Variants in MMACHC observed in about 807,000 individuals in gnomAD.
The protein encoded by MMACHC is metabolism of cobalamin associated C.
In MMACHC, 14 loss-of-function variants were observed where a neutral mutation model predicts 17.6. The ratio of observed to expected loss-of-function variants is 0.80; its 90% CI spans 0.53 to 1.25. The LOEUF (loss-of-function observed/expected upper bound fraction) is 1.25, where lower values mean the gene tolerates loss of function less well. MMACHC is among the 50% of genes most tolerant of loss of function. The pLI is 0.00. For synonymous variants in MMACHC, 151 were observed against 142.1 expected (o/e 1.06, Z -0.45); for missense variants, 392 against 364.5 (o/e 1.08, Z -0.62).
intron 1 of MMACHC, among the ~76,000 whole-genome samples, chr1:45,505,914 A>C (rs1643613657): frequency 6.6e-6 from 1 of 152,106 alleles, no homozygotes; most frequent in Non-Finnish European, 1.5e-5. Flanking sequence ...AAAAAAAAAA[A>C]AACAAAACTG....
chr1:45,503,122 A>G (rs1643570323), intron 1 of MMACHC, among the ~76,000 whole-genome samples: 1 of 151,810 alleles, frequency 6.6e-6, no homozygotes, highest in Non-Finnish European at 1.5e-5. Context: ...TTCTGCAGCC[A>G]GGCGTGGTGG....
chr1:45,509,184 G>A lies in MMACHC; in HGVS notation c.818G>A (p.Arg273Lys), dbSNP rs1460672740. Reference protein sequence around the residue: ...PSRARSWLSPRVSPPASPGP With the variant: ...PSRARSWLSPKVSPPASPGP ...AGAGCCCGGAGCTGGCTCAGCCCCA[G>A]GGTCTCACCACCTGCATCCCCTGGC... is the stretch of plus-strand genomic sequence containing the variant. The change falls in exon 4 of 4, where the codon AGG (arginine) becomes AAG (lysine). Residue 273 changes from arginine (R) to lysine (K), a missense_variant. Arg to Lys is a conservative substitution (Grantham distance 26). Coordinates refer to ENST00000401061, the MANE Select transcript of MMACHC (RefSeq NM_015506.3). 6.2e-7 allele frequency: 1 copy of A among 1,613,916 alleles called. No homozygotes were observed. Among genetic ancestry groups the A allele is most frequent in the East Asian group, 2.2e-5 (1 of 44,884 alleles).
chr1:45,511,486 C>A lies in MMACHC; in HGVS notation c.*2271C>A. 1 of 1,283,016 alleles carries A rather than the reference C, an allele frequency of 7.8e-7. No individual in the cohort carries two copies. The highest frequency in any genetic ancestry group is 1.3e-5 in the South Asian group (1 of 76,820). The allele number at this position is 1,283,016 out of a possible 1,614,324, so 79.5% of individuals were successfully genotyped here. ...CACCACCATTCTCCTATGGACAAAACCAGTTCTGCACCTGAACACTCAGAT... is the reference window on the plus strand; with the variant it reads ...CACCACCATTCTCCTATGGACAAAAACAGTTCTGCACCTGAACACTCAGAT... On this transcript the variant is annotated 3_prime_UTR_variant, in exon 4 of 4. Coordinates refer to ENST00000401061, the MANE Select transcript of MMACHC (RefSeq NM_015506.3).
Position 45,509,790 on chromosome 1 carries a change from A to C in MMACHC, c.*575A>C, listed in dbSNP as rs1643705115. The C allele has an allele frequency of 6.6e-6, 1 of 152,300 alleles. No individual in the cohort carries two copies. The highest frequency in any genetic ancestry group is 1.5e-5 in the Non-Finnish European group (1 of 68,424). 9.4% of individuals were successfully genotyped at this position (152,300 alleles called of 1,614,324 possible). A position where few individuals can be genotyped will look rare whatever the true frequency, so the allele number is the denominator to read the frequency against. ...CCTAAGGGGCAAATATCCTCTAAAGAGTACCTACCAGCAGGGTGTGGTGGC... is the reference window on the plus strand; with the variant it reads ...CCTAAGGGGCAAATATCCTCTAAAGCGTACCTACCAGCAGGGTGTGGTGGC... On this transcript the variant is annotated 3_prime_UTR_variant, in exon 4 of 4. Transcript: ENST00000401061.
rs1157926628 is a variant in MMACHC at position 45,509,888 on chromosome 1, G to C, written c.*673G>C. 6.6e-6 allele frequency: 1 copy of C among 151,302 alleles called. No homozygotes were observed. The highest frequency in any genetic ancestry group is 2.0e-4 in the East Asian group (1 of 4,956). The allele number at this position is 151,302 out of a possible 1,614,324, so 9.4% of individuals were successfully genotyped here. ...TGAGGTCGAGTTTGAGACCAGCCTG[G>C]CCAATACAGTGAAACCCCGTCTCTA... is the stretch of plus-strand genomic sequence containing the variant. On this transcript the variant is annotated 3_prime_UTR_variant, in exon 4 of 4. Coordinates refer to ENST00000401061, the MANE Select transcript of MMACHC (RefSeq NM_015506.3).
chr1:45,509,241 A>T lies in MMACHC; in HGVS notation c.*26A>T. 1.2e-6 allele frequency: 2 copies of T among 1,613,724 alleles called. No homozygotes were observed. The highest frequency in any genetic ancestry group is 1.1e-5 in the South Asian group (1 of 91,068). ...TTTTCTCCCATGTGGACCCTGATTT[A>T]TGGTGGTACTTGCTAGGACTTAATT... On this transcript the variant is annotated 3_prime_UTR_variant, in exon 4 of 4. Coordinates refer to ENST00000401061, the MANE Select transcript of MMACHC (RefSeq NM_015506.3).
chr1:45,504,822 T>C (rs538298673), intron 1 of MMACHC, among the ~76,000 whole-genome samples: 1 of 152,232 alleles, frequency 6.6e-6, no homozygotes, highest in East Asian at 1.9e-4. Context: ...CTGATAAAAA[T>C]GGTTTTTTTG....
intron 1 of MMACHC, 55 bp from the exon 2 acceptor site, chr1:45,507,301 C>A: frequency 6.4e-7 from 1 of 1,567,918 alleles, no homozygotes; most frequent in South Asian, 1.1e-5. Context: ...AAGGTGTGGG[C>A]CAGGCTGAGG....
In MMACHC at chr1:45,512,435, G is replaced by A. The variant is rs1643771602; in HGVS notation, c.*3220G>A. 1 of 150,862 alleles carries A rather than the reference G, an allele frequency of 6.6e-6. No individual in the cohort carries two copies. Among genetic ancestry groups the A allele is most frequent in the Non-Finnish European group, 1.5e-5 (1 of 67,892 alleles). 9.3% of individuals were successfully genotyped at this position (150,862 alleles called of 1,614,324 possible). A position where few individuals can be genotyped will look rare whatever the true frequency, so the allele number is the denominator to read the frequency against. ...TGTAGTCCTAGCTACTCAGGAGGCT[G>A]AGGCAAGAGAATCACTTGAACCCAG... On this transcript the variant is annotated 3_prime_UTR_variant, in exon 4 of 4. Transcript: ENST00000401061.
chr1:45,508,938 C>T lies in MMACHC; in HGVS notation c.572C>T (p.Ala191Val), dbSNP rs375442063. ...DCVPTRADRI[A>V]LLEGFNFHWR... Reference sequence around the variant, plus strand: ...GTACCTACAAGAGCTGACCGTATCGCCCTACTCGAAGGCTTCAATTTCCAC... The same window carrying T: ...GTACCTACAAGAGCTGACCGTATCGTCCTACTCGAAGGCTTCAATTTCCAC... The change falls in exon 4 of 4, where the codon GCC (alanine) becomes GTC (valine). Residue 191 changes from alanine (A) to valine (V), a missense_variant. Ala to Val is a moderately conservative substitution (Grantham distance 64). Transcript: ENST00000401061. 35 of 1,614,088 alleles carry T rather than the reference C, an allele frequency of 2.2e-5. No individual in the cohort carries two copies. The highest frequency in any genetic ancestry group is 2.7e-5 in the Non-Finnish European group (32 of 1,180,048).
At chr1:45,505,916 AC>A (rs1259264421) in intron 1 of MMACHC, among the ~76,000 whole-genome samples, 60 of 145,386 alleles carry the variant, frequency 4.1e-4, no homozygotes, top group African/African-American at 1.1e-3. Context: ...AAAAAAAAAA[AC>A]AAAACTGCCT....
intron 1 of MMACHC, among the ~76,000 whole-genome samples, chr1:45,500,780 C>T (rs1643529754): frequency 6.8e-6 from 1 of 147,390 alleles, no homozygotes; most frequent in Non-Finnish European, 1.5e-5. Context: ...AGGACAATTG[C>T]TTGAACCCAT....
chr1:45,507,588 A>G lies in MMACHC; in HGVS notation c.276+38A>G, dbSNP rs779264445. On this transcript the variant is annotated intron_variant, in intron 2 of 3. Transcript: ENST00000401061. Reference sequence around the variant, plus strand: ...CAGTTTTCCCCCAGCTCCCAAACCTACAGCTGCCTCCAGTTCCTCCACACT... The same window carrying G: ...CAGTTTTCCCCCAGCTCCCAAACCTGCAGCTGCCTCCAGTTCCTCCACACT... 3.7e-5 allele frequency: 60 copies of G among 1,608,426 alleles called. No individual in the cohort carries two copies. The Admixed American group carries it at 4.3e-4, about 12-fold the overall frequency.
At position 45,507,243 on chromosome 1, in the gene MMACHC, T is replaced by C. The variant is rs541922889; in HGVS notation, c.82-113T>C. On this transcript the variant is annotated intron_variant, in intron 1 of 3. Transcript: ENST00000401061. ...TCACATAGCGTCAGTGAAAATTCACTGAATGAGTGAGATGGAGGCTGGGGC... is the reference window on the plus strand; with the variant it reads ...TCACATAGCGTCAGTGAAAATTCACCGAATGAGTGAGATGGAGGCTGGGGC... 29 of 921,984 alleles carry C rather than the reference T, an allele frequency of 3.1e-5. No individual in the cohort carries two copies. In the South Asian group the frequency reaches 3.4e-4, roughly 11 times the overall value. 57.1% of individuals were successfully genotyped at this position (921,984 alleles called of 1,614,324 possible).
Position 45,509,028 on chromosome 1 carries a change from C to T in MMACHC, c.662C>T (p.Ala221Val). ...PQERYSEEQKAYFSTPPAQRL... is the reference protein window; with the variant it reads ...PQERYSEEQKVYFSTPPAQRL... Reference sequence around the variant, plus strand: ...GAGCGCTACTCAGAAGAGCAGAAGGCCTACTTCTCCACTCCACCTGCCCAA... The same window carrying T: ...GAGCGCTACTCAGAAGAGCAGAAGGTCTACTTCTCCACTCCACCTGCCCAA... Residue 221 changes from alanine (A) to valine (V), a missense_variant, in exon 4 of 4, where the codon GCC (alanine) becomes GTC (valine). By Grantham distance (64) the Ala-to-Val change is moderately conservative. Transcript: ENST00000401061. 1 of 1,614,148 alleles carries T rather than the reference C, an allele frequency of 6.2e-7. No homozygotes were observed. The highest frequency in any genetic ancestry group is 8.5e-7 in the Non-Finnish European group (1 of 1,180,008).
chr1:45,505,387 G>A (rs924471388), intron 1 of MMACHC, among the ~76,000 whole-genome samples: 2 of 152,044 alleles, frequency 1.3e-5, no homozygotes, highest in Non-Finnish European at 2.9e-5. Flanking sequence ...GGTGGAGATT[G>A]CAATAAGCCG....
Position 45,507,569 on chromosome 1 carries a change from T to C in MMACHC, c.276+19T>C, listed in dbSNP as rs1466390398. The C allele has an allele frequency of 6.2e-7, 1 of 1,613,572 alleles. No homozygotes were observed. The highest frequency in any genetic ancestry group is 8.5e-7 in the Non-Finnish European group (1 of 1,179,712). ...TAGAGAGGTGAGGAAGGCTCAGTTT[T>C]CCCCCAGCTCCCAAACCTACAGCTG... is the stretch of plus-strand genomic sequence containing the variant. On this transcript the variant is annotated intron_variant, in intron 2 of 3. Coordinates refer to ENST00000401061, the MANE Select transcript of MMACHC (RefSeq NM_015506.3).
intron 1 of MMACHC, among the ~76,000 whole-genome samples, chr1:45,505,101 G>A (rs1325630392): frequency 1.5e-5 from 2 of 133,812 alleles, no homozygotes; most frequent in East Asian, 4.9e-4. Context: ...CTGGGCGACA[G>A]TGAGACTGTA....
At chr1:45,508,435 C>G (rs1643669822) in intron 3 of MMACHC, 71 bp downstream of exon 3, 2 of 1,549,384 alleles carry the variant, frequency 1.3e-6, no homozygotes, top group South Asian at 1.1e-5. Flanking sequence ...TCCCACATTC[C>G]TCAGCCTTCC....
Sources: allele counts gnomAD v4.1 joint callset (sites outside exome capture counted in the v4.1 genomes callset), GRCh38; gene constraint gnomAD v4.1.1; transcripts MANE v1.5; gene names NCBI Gene and HGNC (gene_info 2026-07-23, HGNC 2026-07-21).